FARS2: variants seen among roughly 807,000 people sequenced by gnomAD.
FARS2 encodes the protein phenylalanine--tRNA ligase, mitochondrial.
Under a neutral mutation model 46.4 loss-of-function variants are expected in FARS2, and 40 were observed. The observed-to-expected ratio is 0.86, with a 90% CI of 0.67 to 1.12. The LOEUF (loss-of-function observed/expected upper bound fraction) is 1.12, where lower values mean the gene tolerates loss of function less well. FARS2 is among the 50% of genes most tolerant of loss of function. FARS2 has a pLI of 0.00. For missense variants in FARS2, 513 were observed against 567.9 expected (o/e 0.90, Z 0.98); for synonymous variants, 234 against 214.9 (o/e 1.09, Z -0.78).
rs9504406 is a variant in FARS2 at position 5,481,423 on chromosome 6, A to G, written c.904+50251A>G. Among the ~76,000 whole-genome samples, 1,253 of 152,342 alleles carry G rather than the reference A, an allele frequency of 8.2e-3. 15 individuals carry two copies. The highest frequency in any genetic ancestry group is 0.029 in the African/African-American group (1,186 of 41,564). On this transcript the variant is annotated intron_variant, in intron 4 of 6. Transcript: ENST00000274680. ...GCACATTGCAAGCTGTCCATTGGAC[A>G]CAGGGCAAGTTGTAATTACTACCAC... is the stretch of plus-strand genomic sequence containing the variant.
At chr6:5,322,977 C>T (rs1321522845) in intron 1 of FARS2, among the ~76,000 whole-genome samples, 1 of 152,110 alleles carries the variant, frequency 6.6e-6, no homozygotes, top group African/African-American at 2.4e-5. Flanking sequence ...CATCTTCAGT[C>T]CTTACCAAAA....
intron 2 of FARS2, among the ~76,000 whole-genome samples, chr6:5,399,127 T>TTTATTA (rs56236107): frequency 1.5e-3 from 186 of 125,816 alleles, no homozygotes; most frequent in East Asian, 3.6e-3. Context: ...TTTATATTAT[T>TTTATTA]TTATTATTAT....
At chr6:5,439,615 A>T (rs1283979135) in intron 4 of FARS2, among the ~76,000 whole-genome samples, 2 of 152,192 alleles carry the variant, frequency 1.3e-5, no homozygotes, top group Admixed American at 1.3e-4. Context: ...ATGCCCCCAT[A>T]GTGGACCTGA....
chr6:5,428,378 T>C (rs1448927436), intron 3 of FARS2, among the ~76,000 whole-genome samples: 1 of 152,126 alleles, frequency 6.6e-6, no homozygotes, highest in East Asian at 1.9e-4. Flanking sequence ...GTTCCAAGCA[T>C]TTAGGTAATG....
intron 4 of FARS2, among the ~76,000 whole-genome samples, chr6:5,540,709 G>C (rs1770575270): frequency 6.6e-6 from 1 of 152,214 alleles, no homozygotes; most frequent in Admixed American, 6.5e-5. Context: ...TAGATGGGGA[G>C]AGAAACTTGT....
intron 4 of FARS2, among the ~76,000 whole-genome samples, chr6:5,493,604 A>G (rs1582263930): frequency 6.6e-6 from 1 of 152,146 alleles, no homozygotes; most frequent in African/African-American, 2.4e-5. Context: ...TGTATTGCCA[A>G]CTAGCTCTGC....
the FARS2 span, among the ~76,000 whole-genome samples, chr6:5,254,923 G>C: frequency 1.3e-5 from 2 of 152,166 alleles, no homozygotes; most frequent in Admixed American, 1.3e-4. Flanking sequence ...ACTCACGGCA[G>C]CAATTTACGC....
At chr6:5,435,680 G>A (rs1227703372) in intron 4 of FARS2, among the ~76,000 whole-genome samples, 1 of 152,116 alleles carries the variant, frequency 6.6e-6, no homozygotes. Context: ...TCAGGCTGCT[G>A]TGTCTTTTCA....
At position 5,277,931 on chromosome 6, in the gene FARS2, T is replaced by C. The variant is rs1220512720; in HGVS notation, c.-22+16271T>C. On this transcript the variant is annotated intron_variant, in intron 1 of 6. Coordinates refer to ENST00000274680, the MANE Select transcript of FARS2 (RefSeq NM_006567.5). Reference sequence around the variant, plus strand: ...ATCCTGACTTCATAAATGAGGGAAGTGTTAGCAGAGTGGATACTTAGGAGT... The same window carrying C: ...ATCCTGACTTCATAAATGAGGGAAGCGTTAGCAGAGTGGATACTTAGGAGT... Among the ~76,000 whole-genome samples, 3 of 152,154 alleles carry C rather than the reference T, an allele frequency of 2.0e-5. No individual in the cohort carries two copies. The East Asian group carries it at 5.8e-4, about 29-fold the overall frequency.
chr6:5,334,574 G>A (rs1771026936), intron 1 of FARS2, among the ~76,000 whole-genome samples: 1 of 152,136 alleles, frequency 6.6e-6, no homozygotes, highest in South Asian at 2.1e-4. Flanking sequence ...GTACTGCTGT[G>A]GAAGGTCATG....
chr6:5,335,374 C>T (rs185157466), intron 1 of FARS2, among the ~76,000 whole-genome samples: 3 of 152,240 alleles, frequency 2.0e-5, no homozygotes, highest in East Asian at 1.9e-4. Flanking sequence ...ACTGTACAGG[C>T]GCTTTATATT....
chr6:5,532,585 AC>A (rs1488174925), intron 4 of FARS2, among the ~76,000 whole-genome samples: 1 of 152,124 alleles, frequency 6.6e-6, no homozygotes, highest in East Asian at 1.9e-4. Flanking sequence ...CCCTGTCTCT[AC>A]CAAAAATACA....
At chr6:5,427,558 TC>T (rs1762921361) in intron 3 of FARS2, among the ~76,000 whole-genome samples, 2 of 151,730 alleles carry the variant, frequency 1.3e-5, no homozygotes, top group African/African-American at 4.9e-5. Context: ...ATTAAAAACT[TC>T]CTGGTCTCAT....
chr6:5,677,712 C>A (rs1236259238), intron 6 of FARS2, among the ~76,000 whole-genome samples: 1 of 152,208 alleles, frequency 6.6e-6, no homozygotes, highest in African/African-American at 2.4e-5. Flanking sequence ...TTGTTCTTCC[C>A]TGTGAGCTTA....
chr6:5,759,077 A>G (rs1762358342), intron 6 of FARS2, among the ~76,000 whole-genome samples: 1 of 152,154 alleles, frequency 6.6e-6, no homozygotes, highest in Non-Finnish European at 1.5e-5. Context: ...GTTATAGATG[A>G]GAAAACCCAT....
chr6:5,658,798 A>G (rs1181867240), intron 6 of FARS2, among the ~76,000 whole-genome samples: 1 of 152,256 alleles, frequency 6.6e-6, no homozygotes, highest in African/African-American at 2.4e-5. Flanking sequence ...AACACAAGTT[A>G]TTGGATAATT....
chr6:5,548,548 C>A (rs950491908), intron 5 of FARS2, among the ~76,000 whole-genome samples: 1 of 152,158 alleles, frequency 6.6e-6, no homozygotes, highest in South Asian at 2.1e-4. Flanking sequence ...TTCTCATTCT[C>A]TTTTTAATAT....
intron 1 of FARS2, among the ~76,000 whole-genome samples, chr6:5,276,209 C>T (rs1466608384): frequency 2.6e-5 from 4 of 151,990 alleles, no homozygotes; most frequent in East Asian, 1.9e-4. Context: ...TTAGTTTTAC[C>T]GTGTCTGGGA....
intron 4 of FARS2, among the ~76,000 whole-genome samples, chr6:5,517,649 C>A (rs373478417): frequency 2.6e-4 from 40 of 151,488 alleles, no homozygotes; most frequent in African/African-American, 9.4e-4. Context: ...TATACACACA[C>A]ATACACACAT....
Sources: allele counts gnomAD v4.1 joint callset (sites outside exome capture counted in the v4.1 genomes callset), GRCh38; gene constraint gnomAD v4.1.1; transcripts MANE v1.5; gene names NCBI Gene and HGNC (gene_info 2026-07-23, HGNC 2026-07-21).